Variants in MDGA2 observed in about 807,000 individuals in gnomAD.
The protein encoded by MDGA2 is MAM domain containing glycosylphosphatidylinositol anchor 2.
A neutral mutation model predicts 117.8 loss-of-function variants in MDGA2; 40 were observed. That is an observed-to-expected ratio of 0.34 (90% CI 0.26 to 0.44). MDGA2 has a LOEUF of 0.44. Among genes scored for constraint, MDGA2 ranks in the 20% least tolerant of loss-of-function variants. The pLI, the probability that MDGA2 is intolerant of heterozygous loss-of-function variation, is 1.00. For synonymous variants in MDGA2, 452 were observed against 439.0 expected (o/e 1.03, Z -0.37); for missense variants, 1,123 against 1,250.6 (o/e 0.90, Z 1.54).
intron 9 of MDGA2, among the ~76,000 whole-genome samples, chr14:46,929,634 TATATATATATATAC>T (rs1884478453): frequency 2.5e-5 from 1 of 40,256 alleles, no homozygotes; most frequent in Non-Finnish European, 4.9e-5. Flanking sequence ...TATATATATA[TATATATATATATAC>T]ATTTTTTTTT....
intron 1 of MDGA2, among the ~76,000 whole-genome samples, chr14:47,561,175 G>GGTTTTTTTTTTTTTTTTTTTTT: frequency 1.4e-5 from 1 of 69,398 alleles, no homozygotes; most frequent in South Asian, 7.0e-4. Flanking sequence ...TTTTTTGTTT[G>GGTTTTTTTTTTTTTTTTTTTTT]TTTGTTTTTT....
intron 14 of MDGA2, among the ~76,000 whole-genome samples, chr14:46,859,850 A>G (rs184209890): frequency 5.7e-4 from 87 of 152,244 alleles, no homozygotes; most frequent in Non-Finnish European, 1.1e-3. Context: ...ATAATGTAGT[A>G]TATAAACTTA....
chr14:47,418,202 G>A (rs566203344), intron 1 of MDGA2, among the ~76,000 whole-genome samples: 6 of 152,096 alleles, frequency 3.9e-5, no homozygotes, highest in East Asian at 1.9e-4. Flanking sequence ...TCAACCTCCC[G>A]AGTTGAGGAT....
chr14:47,635,899 T>C (rs547366532), intron 1 of MDGA2, among the ~76,000 whole-genome samples: 1 of 152,204 alleles, frequency 6.6e-6, no homozygotes, highest in Admixed American at 6.5e-5. Context: ...TTAGAAAACA[T>C]AAAAATAGAC....
chr14:47,210,128 T>TA (rs1382841534), intron 3 of MDGA2, among the ~76,000 whole-genome samples: 38 of 152,322 alleles, frequency 2.5e-4, no homozygotes, highest in African/African-American at 8.9e-4. Flanking sequence ...AAACTGATAA[T>TA]ATGTTATACT....
rs564786733 is a variant in MDGA2 at position 47,352,494 on chromosome 14, G to T, written c.281-50944C>A. Among the ~76,000 whole-genome samples the T allele has an allele frequency of 2.0e-5, 3 of 152,028 alleles. No individual in the cohort carries two copies. The South Asian group carries it at 6.2e-4, about 32-fold the overall frequency. On this transcript the variant is annotated intron_variant, in intron 1 of 16. Transcript: ENST00000399232. Reference sequence around the variant, plus strand: ...TTGGACTCAGCCCACCGGCACTCAGGTGATTAAAAAGCTTTATTGCTCACA... The same window carrying T: ...TTGGACTCAGCCCACCGGCACTCAGTTGATTAAAAAGCTTTATTGCTCACA...
chr14:47,651,771 T>C (rs558956339), intron 1 of MDGA2, among the ~76,000 whole-genome samples: 1 of 152,118 alleles, frequency 6.6e-6, no homozygotes, highest in Non-Finnish European at 1.5e-5. Context: ...GCAGAACTGC[T>C]CCCCAAATAA....
At chr14:47,112,115 G>A (rs1419941861) in intron 5 of MDGA2, among the ~76,000 whole-genome samples, 1 of 151,768 alleles carries the variant, frequency 6.6e-6, no homozygotes, top group Non-Finnish European at 1.5e-5. Context: ...CAATGGCAAA[G>A]TTTATTCAAC....
chr14:47,200,712 TCTC>T, intron 3 of MDGA2: 1 of 924,164 alleles, frequency 1.1e-6, no homozygotes, highest in South Asian at 1.4e-5. Flanking sequence ...TCCTTCCTCT[TCTC>T]CTGCAGGGTG....
intron 16 of MDGA2, among the ~76,000 whole-genome samples, chr14:46,843,806 C>G (rs1880711361): frequency 6.6e-6 from 1 of 152,066 alleles, no homozygotes; most frequent in Non-Finnish European, 1.5e-5. Flanking sequence ...CTGATTTGCT[C>G]TAGATTTATA....
At chr14:47,285,175 A>G in intron 2 of MDGA2, among the ~76,000 whole-genome samples, 1 of 152,120 alleles carries the variant, frequency 6.6e-6, no homozygotes, top group East Asian at 1.9e-4. Context: ...CTCTGCCTCT[A>G]AAGGAATTAA....
chr14:47,209,488 G>A (rs943233500), intron 3 of MDGA2, among the ~76,000 whole-genome samples: 1 of 152,140 alleles, frequency 6.6e-6, no homozygotes, highest in African/African-American at 2.4e-5. Context: ...GATTCTGGAA[G>A]ACTCCAGTAG....
At chr14:47,394,466 A>G (rs999971964) in intron 1 of MDGA2, among the ~76,000 whole-genome samples, 1 of 152,196 alleles carries the variant, frequency 6.6e-6, no homozygotes, top group African/African-American at 2.4e-5. Context: ...TAACCATATC[A>G]GAAAGAGTAT....
At chr14:47,448,643 C>T (rs1893177562) in intron 1 of MDGA2, among the ~76,000 whole-genome samples, 1 of 152,128 alleles carries the variant, frequency 6.6e-6, no homozygotes. Context: ...TTATGAACCT[C>T]TTCAAAGCGC....
chr14:47,583,646 T>A (rs1436314371), intron 1 of MDGA2, among the ~76,000 whole-genome samples: 2 of 151,852 alleles, frequency 1.3e-5, no homozygotes, highest in Admixed American at 1.3e-4. Context: ...TATTAATAAC[T>A]ACCTGTTCTT....
At chr14:47,038,218 C>G (rs1316733620) in intron 7 of MDGA2, among the ~76,000 whole-genome samples, 2 of 152,218 alleles carry the variant, frequency 1.3e-5, no homozygotes, top group African/African-American at 4.8e-5. Context: ...AAGCGTGAGC[C>G]ACCGTGCTCA....
chr14:47,279,223 G>GT (rs1462188729), intron 2 of MDGA2, among the ~76,000 whole-genome samples: 1 of 152,008 alleles, frequency 6.6e-6, no homozygotes, highest in African/African-American at 2.4e-5. Flanking sequence ...AATTTTGAGG[G>GT]TATGCATACT....
At chr14:47,652,078 AG>A (rs1209474592) in intron 1 of MDGA2, among the ~76,000 whole-genome samples, 1 of 152,206 alleles carries the variant, frequency 6.6e-6, no homozygotes, top group African/African-American at 2.4e-5. Context: ...CCAAGGCAAG[AG>A]GGTGCATGGT....
chr14:46,977,671 T>G (rs1008331749), intron 8 of MDGA2, among the ~76,000 whole-genome samples: 1 of 151,914 alleles, frequency 6.6e-6, no homozygotes, highest in African/African-American at 2.4e-5. Flanking sequence ...ACAAATAGTT[T>G]GACAAATGCA....
Sources: gnomAD v4.1 joint callset for allele counts (sites outside exome capture counted in the v4.1 genomes callset) on GRCh38, gnomAD v4.1.1 for gene constraint, MANE v1.5 for transcripts, NCBI Gene and HGNC (gene_info 2026-07-23, HGNC 2026-07-21) for gene names.